PLEKHM3: variants seen among roughly 807,000 people sequenced by gnomAD.
The protein encoded by PLEKHM3 is pleckstrin homology domain-containing family M member 3.
A neutral mutation model predicts 81.8 loss-of-function variants in PLEKHM3; 45 were observed. That is an observed-to-expected ratio of 0.55 (90% CI 0.43 to 0.71). The LOEUF (loss-of-function observed/expected upper bound fraction) is 0.71. Ranked by LOEUF, PLEKHM3 falls within the 30% of genes least tolerant of loss-of-function variation. The probability of loss-of-function intolerance (pLI) is 0.00; values close to 1 mark genes in which losing one functional copy is unlikely to be tolerated. For synonymous variants in PLEKHM3, 352 were observed against 356.4 expected, an observed-to-expected ratio of 0.99 and a Z score of 0.14; for missense variants, 788 against 924.3, an observed-to-expected ratio of 0.85 and a Z score of 1.91.
At chr2:207,948,537 A>ATT (rs1459443461) in intron 3 of PLEKHM3, among the ~76,000 whole-genome samples, 14 of 91,858 alleles carry the variant, frequency 1.5e-4, no homozygotes, top group Admixed American at 1.5e-3. Context: ...TGTATTTTCT[A>ATT]TTTTTTTTGT....
chr2:207,888,629 C>T (rs1399502562), intron 6 of PLEKHM3, among the ~76,000 whole-genome samples: 9 of 152,044 alleles, frequency 5.9e-5, no homozygotes, highest in African/African-American at 1.9e-4. Context: ...CTCCTGACCT[C>T]GTGATCTGCC....
chr2:207,990,752 C>T (rs745893558), intron 2 of PLEKHM3, among the ~76,000 whole-genome samples: 11 of 152,092 alleles, frequency 7.2e-5, no homozygotes, highest in Non-Finnish European at 1.5e-4. Flanking sequence ...GATGGTATTC[C>T]ACAGATATTT....
At chr2:207,911,523 G>A (rs971586569) in intron 5 of PLEKHM3, among the ~76,000 whole-genome samples, 1 of 152,164 alleles carries the variant, frequency 6.6e-6, no homozygotes, top group Non-Finnish European at 1.5e-5. Context: ...TCCTTTTGCT[G>A]TTCCAAGATC....
In PLEKHM3 at chr2:207,826,961, G is replaced by A. The variant is rs1181974937; in HGVS notation, c.*1358C>T. On this transcript the variant is annotated 3_prime_UTR_variant, in exon 8 of 8. Transcript: ENST00000427836. ...CCGTTTTGGTCACAGTGACTGCCAC[G>A]TGCTCTTCCAAGGGCACTGCAGCTG... 3 of 152,118 alleles carry A rather than the reference G, an allele frequency of 2.0e-5. No homozygotes were observed. The highest frequency in any genetic ancestry group is 2.0e-4 in the Admixed American group (3 of 15,272). 9.4% of individuals were successfully genotyped at this position (152,118 alleles called of 1,614,324 possible). A position where few individuals can be genotyped will look rare whatever the true frequency, so the allele number is the denominator to read the frequency against.
intron 7 of PLEKHM3, among the ~76,000 whole-genome samples, chr2:207,846,045 CTGG>C (rs1281612111): frequency 1.3e-5 from 2 of 152,190 alleles, no homozygotes; most frequent in African/African-American, 4.8e-5. Context: ...TGCCATATGC[CTGG>C]TATGAAGGTC....
At chr2:207,905,767 C>T (rs1688580550) in intron 6 of PLEKHM3, among the ~76,000 whole-genome samples, 2 of 152,108 alleles carry the variant, frequency 1.3e-5, no homozygotes, top group South Asian at 4.1e-4. Flanking sequence ...GCTCTAGCTG[C>T]CCCACCCACA....
At chr2:207,952,806 G>T (rs940759949) in intron 3 of PLEKHM3, among the ~76,000 whole-genome samples, 1 of 152,156 alleles carries the variant, frequency 6.6e-6, no homozygotes. Flanking sequence ...AAGTTAACAT[G>T]GTGAAACTGA....
At chr2:207,981,512 A>AT (rs942307951) in intron 2 of PLEKHM3, among the ~76,000 whole-genome samples, 10 of 152,032 alleles carry the variant, frequency 6.6e-5, no homozygotes, top group Non-Finnish European at 1.3e-4. Context: ...TACCTGGCTT[A>AT]TTTTTTTATT....
intron 6 of PLEKHM3, among the ~76,000 whole-genome samples, chr2:207,872,221 T>C (rs1250067628): frequency 6.6e-6 from 1 of 152,184 alleles, no homozygotes; most frequent in Non-Finnish European, 1.5e-5. Flanking sequence ...CTGAGGTCAC[T>C]GGATGCCTAC....
At position 207,977,376 on chromosome 2, in the gene PLEKHM3, C is replaced by T. The variant is rs1691354550; in HGVS notation, c.821G>A (p.Arg274Lys). Reference sequence around the variant, plus strand: ...GTCATACAAAACAGTATCCACCATCCTGGCCTCCAGGTTGCCTAAAACAGA... The same window carrying T: ...GTCATACAAAACAGTATCCACCATCTTGGCCTCCAGGTTGCCTAAAACAGA... ...SISVLGNLEA[R>K]MVDTVLYDNT... The change falls in exon 3 of 8, where the codon AGG (arginine) becomes AAG (lysine). Residue 274 changes from arginine (R) to lysine (K), a missense_variant. Transcript: ENST00000427836. 1.2e-6 allele frequency: 2 copies of T among 1,614,154 alleles called. No homozygotes were observed. Among genetic ancestry groups the T allele is most frequent in the East Asian group, 4.5e-5 (2 of 44,884 alleles).
chr2:207,945,933 AAAAC>A (rs887924968), intron 4 of PLEKHM3, among the ~76,000 whole-genome samples: 6 of 152,042 alleles, frequency 3.9e-5, no homozygotes, highest in African/African-American at 1.4e-4. Flanking sequence ...CAAATGAACA[AAAAC>A]AAAACAAAAC....
At chr2:207,830,606 T>TAAAA (rs2092280969) in intron 7 of PLEKHM3, among the ~76,000 whole-genome samples, 1 of 42,900 alleles carries the variant, frequency 2.3e-5, no homozygotes, top group Non-Finnish European at 5.0e-5. Flanking sequence ...AAACTCTGTC[T>TAAAA]CAAAAAAAAA....
chr2:207,869,255 A>C (rs1484935055), intron 6 of PLEKHM3, among the ~76,000 whole-genome samples: 2 of 152,180 alleles, frequency 1.3e-5, no homozygotes. Flanking sequence ...AACAGACCTG[A>C]GATGAGGTTT....
chr2:207,950,025 TTAAC>T (rs1690278250), intron 3 of PLEKHM3, among the ~76,000 whole-genome samples: 2 of 152,282 alleles, frequency 1.3e-5, no homozygotes, highest in South Asian at 2.1e-4. Flanking sequence ...ATCAACTCAG[TTAAC>T]TAACTGAGTT....
Position 207,976,528 on chromosome 2 carries a change from G to C in PLEKHM3, c.1546+123C>G. ...TAATACAGTAAGCTTCTCGAGGAGA[G>C]ATACTTTTTATAAACAGGAGATAGC... On this transcript the variant is annotated intron_variant, in intron 3 of 7. Transcript: ENST00000427836. The surrounding 1 kb of genome is among the most constrained non-coding windows in gnomAD (Gnocchi z 4.1). 1 of 927,286 alleles carries C rather than the reference G, an allele frequency of 1.1e-6. No individual in the cohort carries two copies. Among genetic ancestry groups the C allele is most frequent in the Non-Finnish European group, 1.6e-6 (1 of 630,138 alleles). The allele number at this position is 927,286 out of a possible 1,614,324, so 57.4% of individuals were successfully genotyped here.
intron 5 of PLEKHM3, among the ~76,000 whole-genome samples, chr2:207,925,454 G>A (rs1689361498): frequency 6.6e-6 from 1 of 152,142 alleles, no homozygotes; most frequent in Admixed American, 6.5e-5. Flanking sequence ...AAAAGTTATA[G>A]CAGCTAATAT....
intron 7 of PLEKHM3, among the ~76,000 whole-genome samples, chr2:207,850,138 C>T (rs2092405013): frequency 1.3e-5 from 2 of 152,218 alleles, no homozygotes; most frequent in African/African-American, 4.8e-5. Flanking sequence ...CCCTCCAGAA[C>T]TCATCCATTC....
intron 3 of PLEKHM3, among the ~76,000 whole-genome samples, chr2:207,952,241 T>A (rs553599051): frequency 5.3e-5 from 8 of 152,338 alleles, no homozygotes; most frequent in African/African-American, 1.9e-4. Flanking sequence ...CCTCTTTTAT[T>A]TTATGCACTA....
At chr2:207,915,182 C>T (rs993637584) in intron 5 of PLEKHM3, among the ~76,000 whole-genome samples, 1 of 152,008 alleles carries the variant, frequency 6.6e-6, no homozygotes, top group African/African-American at 2.4e-5. Flanking sequence ...ACTTAGGCTT[C>T]ATTTATAGAT....
Sources: allele counts gnomAD v4.1 joint callset (sites outside exome capture counted in the v4.1 genomes callset), GRCh38; gene constraint gnomAD v4.1.1; non-coding constraint Gnocchi (gnomAD v3.1); transcripts MANE v1.5; gene names NCBI Gene and HGNC (gene_info 2026-07-23, HGNC 2026-07-21).